Variants in LUZP2 observed in about 807,000 individuals in gnomAD.
LUZP2 encodes leucine zipper protein 2.
LUZP2 carries 52 observed loss-of-function variants against 51.6 expected under a neutral mutation model. The observed-to-expected ratio is 1.01, with a 90% CI of 0.81 to 1.27. The LOEUF (loss-of-function observed/expected upper bound fraction) is 1.27. Ranked by LOEUF, LUZP2 falls within the 50% of genes most tolerant of loss-of-function variation. The pLI is 0.00. For synonymous variants in LUZP2, 154 were observed against 137.3 expected (o/e 1.12, Z -0.85); for missense variants, 436 against 395.4 (o/e 1.10, Z -0.87).
chr11:24,551,033 T>A (rs2133747138), intron 1 of LUZP2, among the ~76,000 whole-genome samples: 1 of 152,196 alleles, frequency 6.6e-6, no homozygotes, highest in East Asian at 1.9e-4. Context: ...TGGAGGTCAA[T>A]AAAATTTATA....
intron 7 of LUZP2, among the ~76,000 whole-genome samples, chr11:24,915,589 A>T (rs887217893): frequency 6.6e-6 from 1 of 152,114 alleles, no homozygotes; most frequent in South Asian, 2.1e-4. Flanking sequence ...TCTTTTACAG[A>T]TAAGTAATAG....
chr11:25,071,005 C>T (rs1246201316), intron 10 of LUZP2, among the ~76,000 whole-genome samples: 1 of 151,860 alleles, frequency 6.6e-6, no homozygotes, highest in African/African-American at 2.4e-5. Context: ...AAACAGAGCC[C>T]TATTCATGTA....
intron 7 of LUZP2, among the ~76,000 whole-genome samples, chr11:24,970,883 A>G (rs922055702): frequency 3.9e-5 from 6 of 152,302 alleles, no homozygotes; most frequent in Admixed American, 3.9e-4. Flanking sequence ...TTGAAGTTCT[A>G]CATTTTTGTA....
At chr11:24,673,059 G>A (rs1565068352) in intron 1 of LUZP2, among the ~76,000 whole-genome samples, 2 of 152,294 alleles carry the variant, frequency 1.3e-5, no homozygotes, top group South Asian at 2.1e-4. Context: ...AGGTGGTACA[G>A]TTTAATACCA....
chr11:24,884,759 A>G (rs1039669401), intron 5 of LUZP2, among the ~76,000 whole-genome samples: 1 of 152,020 alleles, frequency 6.6e-6, no homozygotes, highest in Non-Finnish European at 1.5e-5. Flanking sequence ...GCTGAGTGTC[A>G]CTTCCTAAAT....
intron 1 of LUZP2, among the ~76,000 whole-genome samples, chr11:24,498,166 T>C (rs927893817): frequency 2.0e-5 from 3 of 152,176 alleles, no homozygotes; most frequent in Non-Finnish European, 2.9e-5. Context: ...AGGACTGTCT[T>C]TATTCTGCAT....
intron 9 of LUZP2, among the ~76,000 whole-genome samples, chr11:25,028,536 G>T (rs1857561354): frequency 6.6e-6 from 1 of 152,122 alleles, no homozygotes; most frequent in South Asian, 2.1e-4. Flanking sequence ...AATAAACTGA[G>T]CACAGAAAGA....
chr11:24,914,956 T>C (rs1853748118), intron 7 of LUZP2, among the ~76,000 whole-genome samples: 1 of 152,190 alleles, frequency 6.6e-6, no homozygotes. Flanking sequence ...TTTACTTGTA[T>C]GTAATATGCC....
intron 1 of LUZP2, among the ~76,000 whole-genome samples, chr11:24,659,315 T>G (rs1042142636): frequency 1.3e-5 from 2 of 151,924 alleles, no homozygotes; most frequent in South Asian, 2.1e-4. Flanking sequence ...GAAAACTGTC[T>G]CAAGGACAAA....
At chr11:24,678,001 C>A (rs1856620911) in intron 1 of LUZP2, among the ~76,000 whole-genome samples, 1 of 140,850 alleles carries the variant, frequency 7.1e-6, no homozygotes, top group Non-Finnish European at 1.5e-5. Flanking sequence ...AGTGCCACTG[C>A]ACTCCAGCCT....
At chr11:24,974,486 T>A (rs1299321131) in intron 7 of LUZP2, among the ~76,000 whole-genome samples, 1 of 40,018 alleles carries the variant, frequency 2.5e-5, no homozygotes, top group East Asian at 9.8e-4. Context: ...ATGCTGAAAC[T>A]AGCATTTTCT....
In LUZP2 at chr11:24,755,150, ACAG is replaced by A. The variant is rs1436137695; in HGVS notation, c.334-8095_334-8093del. Among the ~76,000 whole-genome samples, 150 of 145,442 alleles carry A rather than the reference ACAG, an allele frequency of 1.0e-3. 1 individual carries two copies. The highest frequency in any genetic ancestry group is 4.2e-3 in the African/African-American group (147 of 35,302). On this transcript the variant is annotated intron_variant, in intron 4 of 11. Coordinates refer to ENST00000336930, the MANE Select transcript of LUZP2 (RefSeq NM_001009909.4). ...ACAAGAGCAAAACTCTGTCTAAAAA[ACAG>A]AAAAAAAAAACACACACACACATTA...
intron 1 of LUZP2, among the ~76,000 whole-genome samples, chr11:24,690,498 AT>A (rs1230647005): frequency 3.9e-5 from 6 of 152,162 alleles, no homozygotes; most frequent in Admixed American, 3.9e-4. Flanking sequence ...ATGTTCTTGG[AT>A]TTTTGTAATA....
intron 1 of LUZP2, among the ~76,000 whole-genome samples, chr11:24,681,070 T>C (rs35925092): frequency 0.041 from 6,249 of 151,308 alleles, 145 homozygotes; most frequent in African/African-American, 0.061. Flanking sequence ...CAAGCTCCGC[T>C]TCCCGGGTTC....
intron 5 of LUZP2, among the ~76,000 whole-genome samples, chr11:24,877,592 ACAAAC>A (rs1422631230): frequency 6.6e-6 from 1 of 152,156 alleles, no homozygotes; most frequent in Non-Finnish European, 1.5e-5. Context: ...TGTGTTACAA[ACAAAC>A]CAATTATACT....
chr11:24,894,966 A>G (rs572711989), intron 5 of LUZP2, among the ~76,000 whole-genome samples: 1 of 152,300 alleles, frequency 6.6e-6, no homozygotes, highest in South Asian at 2.1e-4. Context: ...TGGCTAGTTC[A>G]AGTCAAGTTC....
chr11:24,992,099 A>G lies in LUZP2; in HGVS notation c.765+8806A>G, dbSNP rs1202493409. Among the ~76,000 whole-genome samples, 4 of 151,946 alleles carry G rather than the reference A, an allele frequency of 2.6e-5. No individual in the cohort carries two copies. The East Asian group carries it at 7.7e-4, about 29-fold the overall frequency. Reference sequence around the variant, plus strand: ...GGTTCAGCATTTTTATTGTATTTATATGGCATTTGTGAAAAATTTAACCTT... The same window carrying G: ...GGTTCAGCATTTTTATTGTATTTATGTGGCATTTGTGAAAAATTTAACCTT... On this transcript the variant is annotated intron_variant, in intron 9 of 11. Coordinates refer to ENST00000336930, the MANE Select transcript of LUZP2 (RefSeq NM_001009909.4).
At chr11:24,625,570 T>C (rs1273008108) in intron 1 of LUZP2, among the ~76,000 whole-genome samples, 1 of 152,124 alleles carries the variant, frequency 6.6e-6, no homozygotes, top group East Asian at 1.9e-4. Context: ...AAAATAAATT[T>C]AGAACATATT....
At chr11:24,620,957 C>G (rs1854474902) in intron 1 of LUZP2, among the ~76,000 whole-genome samples, 1 of 152,118 alleles carries the variant, frequency 6.6e-6, no homozygotes, top group East Asian at 1.9e-4. Context: ...ACATGTTGAT[C>G]CTCCCTGGGC....
Sources: allele counts gnomAD v4.1 joint callset (sites outside exome capture counted in the v4.1 genomes callset), GRCh38; gene constraint gnomAD v4.1.1; transcripts MANE v1.5; gene names NCBI Gene and HGNC (gene_info 2026-07-23, HGNC 2026-07-21).